Variants in SCHIP1 observed in about 807,000 individuals in gnomAD.
SCHIP1 encodes the protein schwannomin-interacting protein 1.
A neutral mutation model predicts 29.7 loss-of-function variants in SCHIP1; 8 were observed. That is an observed-to-expected ratio of 0.27 (90% CI 0.16 to 0.49). The LOEUF (loss-of-function observed/expected upper bound fraction) is 0.49, where lower values mean the gene tolerates loss of function less well. Among genes scored for constraint, SCHIP1 ranks in the 20% least tolerant of loss-of-function variants. The pLI is 0.99. For synonymous variants in SCHIP1, 76 were observed against 94.9 expected (o/e 0.80, Z 1.16); for missense variants, 193 against 294.6 (o/e 0.66, Z 2.52).
chr3:159,533,953 A>T, the SCHIP1 span, among the ~76,000 whole-genome samples: 1 of 152,194 alleles, frequency 6.6e-6, no homozygotes, highest in Admixed American at 6.5e-5. Flanking sequence ...CTGGACTTGG[A>T]AAGTCCAACC....
At chr3:159,603,840 T>A in the SCHIP1 span, among the ~76,000 whole-genome samples, 1 of 152,152 alleles carries the variant, frequency 6.6e-6, no homozygotes, top group Non-Finnish European at 1.5e-5. Context: ...GGTGAGAGGC[T>A]TATAGCTGGT....
the SCHIP1 span, among the ~76,000 whole-genome samples, chr3:159,376,150 A>C: frequency 6.6e-6 from 1 of 152,162 alleles, no homozygotes; most frequent in Non-Finnish European, 1.5e-5. Flanking sequence ...AGGGGAAAAA[A>C]GGTTTTCAGG....
the SCHIP1 span, among the ~76,000 whole-genome samples, chr3:159,578,425 T>C: frequency 1.3e-4 from 20 of 152,346 alleles, no homozygotes; most frequent in African/African-American, 4.6e-4. Flanking sequence ...TATGTCACTT[T>C]ATACTTTAGT....
the SCHIP1 span, among the ~76,000 whole-genome samples, chr3:159,618,546 G>T: frequency 7.9e-5 from 12 of 152,204 alleles, no homozygotes; most frequent in African/African-American, 2.9e-4. Context: ...TGTGCAAAGT[G>T]TTCAACTATG....
At chr3:159,485,034 C>T in the SCHIP1 span, among the ~76,000 whole-genome samples, 1 of 152,168 alleles carries the variant, frequency 6.6e-6, no homozygotes. Context: ...AGGAACAGAA[C>T]AAGCGCCAGA....
At chr3:159,547,732 T>G in the SCHIP1 span, among the ~76,000 whole-genome samples, 1 of 152,156 alleles carries the variant, frequency 6.6e-6, no homozygotes, top group African/African-American at 2.4e-5. Context: ...ATGTGTGGTG[T>G]TATTTCTGAG....
chr3:159,307,762 T>C, the SCHIP1 span, among the ~76,000 whole-genome samples: 1 of 152,146 alleles, frequency 6.6e-6, no homozygotes, highest in Non-Finnish European at 1.5e-5. Flanking sequence ...TGGTGGAAGG[T>C]AGGGGTCTAG....
At chr3:159,669,798 C>T in the SCHIP1 span, among the ~76,000 whole-genome samples, 1 of 152,174 alleles carries the variant, frequency 6.6e-6, no homozygotes, top group African/African-American at 2.4e-5. Flanking sequence ...AAAGAGCAAA[C>T]GCCAAGGCCC....
At chr3:159,724,255 T>C in the SCHIP1 span, among the ~76,000 whole-genome samples, 4 of 152,206 alleles carry the variant, frequency 2.6e-5, no homozygotes, top group African/African-American at 9.7e-5. Flanking sequence ...TTAAAATAAC[T>C]CCTTATATGT....
At chr3:159,480,906 G>C in the SCHIP1 span, among the ~76,000 whole-genome samples, 2 of 152,150 alleles carry the variant, frequency 1.3e-5, no homozygotes, top group African/African-American at 4.8e-5. Context: ...TCAGCGAAGG[G>C]AGATAGGGGT....
the SCHIP1 span, among the ~76,000 whole-genome samples, chr3:159,715,508 AG>A: frequency 3.4e-4 from 51 of 152,228 alleles, no homozygotes; most frequent in Admixed American, 3.0e-3. Context: ...CCTTGAAAAA[AG>A]ATTGGACAAA....
the SCHIP1 span, among the ~76,000 whole-genome samples, chr3:159,353,255 A>G: frequency 6.6e-6 from 1 of 152,170 alleles, no homozygotes; most frequent in Admixed American, 6.6e-5. Context: ...TGGCACATGT[A>G]TACATATGTA....
At chr3:159,334,660 C>T in the SCHIP1 span, among the ~76,000 whole-genome samples, 2 of 152,118 alleles carry the variant, frequency 1.3e-5, no homozygotes, top group Admixed American at 6.6e-5. Flanking sequence ...TAGAGACTGG[C>T]TTGTTTCACT....
the SCHIP1 span, among the ~76,000 whole-genome samples, chr3:159,607,824 A>G: frequency 3.6e-4 from 55 of 152,312 alleles, no homozygotes; most frequent in Middle Eastern, 3.4e-3. Flanking sequence ...TGCTTTCTCC[A>G]TAGACTCAAA....
chr3:159,279,965 G>C, the SCHIP1 span, among the ~76,000 whole-genome samples: 1 of 152,138 alleles, frequency 6.6e-6, no homozygotes, highest in Non-Finnish European at 1.5e-5. Flanking sequence ...CCAAAGTCCT[G>C]AACTGGGCCA....
At chr3:159,384,969 A>AT in the SCHIP1 span, among the ~76,000 whole-genome samples, 6 of 152,032 alleles carry the variant, frequency 3.9e-5, no homozygotes, top group African/African-American at 1.2e-4. Flanking sequence ...CCCCTTTATC[A>AT]TTTTTTATTG....
At chr3:159,502,328 G>T in the SCHIP1 span, among the ~76,000 whole-genome samples, 1 of 152,120 alleles carries the variant, frequency 6.6e-6, no homozygotes, top group African/African-American at 2.4e-5. Context: ...GCCACTGAAT[G>T]GGTGTCTGGC....
intron 1 of SCHIP1, among the ~76,000 whole-genome samples, chr3:159,850,536 C>T (rs1370116395): frequency 9.2e-6 from 1 of 108,140 alleles, no homozygotes; most frequent in Non-Finnish European, 1.8e-5. Context: ...GCTGGAGATT[C>T]CATCTCAAAA....
At chr3:159,807,615 T>A in the SCHIP1 span, among the ~76,000 whole-genome samples, 1 of 152,198 alleles carries the variant, frequency 6.6e-6, no homozygotes. Context: ...TGTGTTTGTG[T>A]GTGTGTGCTG....
Sources: gnomAD v4.1 joint callset for allele counts (sites outside exome capture counted in the v4.1 genomes callset) on GRCh38, gnomAD v4.1.1 for gene constraint, MANE v1.5 for transcripts, NCBI Gene and HGNC (gene_info 2026-07-23, HGNC 2026-07-21) for gene names.